CRYZ: variants seen among roughly 807,000 people sequenced by gnomAD.
The protein encoded by CRYZ is crystallin zeta, also known as zeta-crystallin.
CRYZ carries 35 observed loss-of-function variants against 34.1 expected under a neutral mutation model. The ratio of observed to expected loss-of-function variants is 1.03; its 90% CI spans 0.78 to 1.36. The LOEUF is 1.36. Ranked by LOEUF, CRYZ falls within the 40% of genes most tolerant of loss-of-function variation. The probability of loss-of-function intolerance (pLI) is 0.00; values close to 1 mark genes in which losing one functional copy is unlikely to be tolerated. For missense variants in CRYZ, 403 were observed against 391.8 expected, an observed-to-expected ratio of 1.03 and a Z score of -0.24; for synonymous variants, 137 against 136.5, an observed-to-expected ratio of 1.00 and a Z score of -0.03.
At position 74,711,903 on chromosome 1, in the gene CRYZ, C is replaced by T. The variant is rs12407803; in HGVS notation, c.481-1656G>A. Among the ~76,000 whole-genome samples, 376 of 152,018 alleles carry T rather than the reference C, an allele frequency of 2.5e-3. 4 individuals carry two copies. The highest frequency in any genetic ancestry group is 0.02 in the Admixed American group (298 of 15,264). ...TATATATTAGAGATTCATTATCTTA[C>T]GGATGGTATTTAAAGCCAAAGGATT... On this transcript the variant is annotated intron_variant, in intron 5 of 8. Transcript: ENST00000340866.
At chr1:74,715,303 T>C (rs1647056669) in intron 4 of CRYZ, among the ~76,000 whole-genome samples, 1 of 152,178 alleles carries the variant, frequency 6.6e-6, no homozygotes, top group Non-Finnish European at 1.5e-5. Flanking sequence ...ACTTTTCTAG[T>C]ATGTACTGAA....
intron 1 of CRYZ, among the ~76,000 whole-genome samples, chr1:74,727,363 A>G (rs1647405185): frequency 1.3e-5 from 2 of 149,550 alleles, no homozygotes; most frequent in Non-Finnish European, 3.0e-5. Flanking sequence ...GGTGGCAGAC[A>G]AGAGAGCATG....
intron 4 of CRYZ, among the ~76,000 whole-genome samples, chr1:74,716,138 C>T (rs1193829520): frequency 1.3e-5 from 2 of 152,024 alleles, no homozygotes; most frequent in African/African-American, 2.4e-5. Context: ...AGATTTTAGA[C>T]TCACCAGTCC....
rs1461979990 is a variant in CRYZ at position 74,719,191 on chromosome 1, G to A, written c.428+18C>T. ...CTCTTTTGGCATTGGCCATAAAATTGACAGAATGTGTTATTACCTGTGGAT... is the reference window on the plus strand; with the variant it reads ...CTCTTTTGGCATTGGCCATAAAATTAACAGAATGTGTTATTACCTGTGGAT... On this transcript the variant is annotated intron_variant, in intron 4 of 8. Coordinates refer to ENST00000340866, the MANE Select transcript of CRYZ (RefSeq NM_001889.4). 1 of 1,608,438 alleles carries A rather than the reference G, an allele frequency of 6.2e-7. No homozygotes were observed.
intron 6 of CRYZ, chr1:74,708,005 C>T (rs530342153): frequency 3.3e-5 from 5 of 151,954 alleles, no homozygotes; most frequent in South Asian, 4.2e-4. Flanking sequence ...TCCACAGAGA[C>T]GATGAACTGG....
intron 6 of CRYZ, chr1:74,708,432 AGAGG>A (rs1467447419): frequency 6.6e-6 from 1 of 152,094 alleles, no homozygotes; most frequent in Non-Finnish European, 1.5e-5. Context: ...ATCTTTTTTA[AGAGG>A]GAGATGACAG....
At chr1:74,714,664 T>C (rs1429085605) in intron 4 of CRYZ, 34 bp from the exon 5 acceptor site, 3 of 1,609,098 alleles carry the variant, frequency 1.9e-6, no homozygotes, top group Non-Finnish European at 2.6e-6. Flanking sequence ...ATCACCTTAT[T>C]TTTTGAAGCT....
In CRYZ at chr1:74,724,766, G is replaced by C. The variant is rs983150373; in HGVS notation, c.56C>G (p.Pro19Arg). Residue 19 changes from proline to arginine, a missense_variant, in exon 2 of 9, where the codon CCA becomes CGA. Coordinates refer to ENST00000340866, the MANE Select transcript of CRYZ (RefSeq NM_001889.4). ...RAVRVFEFGGPEVLKLRSDIA... is the reference protein window; with the variant it reads ...RAVRVFEFGGREVLKLRSDIA... ...ATCTGATCGCAATTTCAGGACTTCT[G>C]GCCCACCAAATTCAAAAACTCTAAC... 10 of 1,613,338 alleles carry C rather than the reference G, an allele frequency of 6.2e-6. No homozygotes were observed. Among genetic ancestry groups the C allele is most frequent in the Non-Finnish European group, 8.5e-6 (10 of 1,179,668 alleles).
intron 4 of CRYZ, among the ~76,000 whole-genome samples, chr1:74,716,789 T>C (rs1038555304): frequency 2.0e-4 from 30 of 152,130 alleles, no homozygotes; most frequent in African/African-American, 6.0e-4. Flanking sequence ...CTGGACTCCA[T>C]AGATTGCCCA....
chr1:74,718,415 C>T (rs1382433720), intron 4 of CRYZ, among the ~76,000 whole-genome samples: 1 of 152,072 alleles, frequency 6.6e-6, no homozygotes, highest in Admixed American at 6.6e-5. Flanking sequence ...TTCATTACTT[C>T]CAGTCCTTTA....
intron 6 of CRYZ, among the ~76,000 whole-genome samples, chr1:74,709,128 G>T (rs889738694): frequency 6.6e-6 from 1 of 152,232 alleles, no homozygotes; most frequent in South Asian, 2.1e-4. Context: ...TTTTCAAGAA[G>T]TTTTGTGGGA....
At chr1:74,708,724 C>G (rs539935929) in intron 6 of CRYZ, 1 of 152,038 alleles carries the variant, frequency 6.6e-6, no homozygotes, top group Non-Finnish European at 1.5e-5. Flanking sequence ...AGGAAGTGAA[C>G]TCAGGCCAAA....
chr1:74,720,513 C>A (rs1305042691), intron 3 of CRYZ, among the ~76,000 whole-genome samples: 1 of 152,094 alleles, frequency 6.6e-6, no homozygotes, highest in Non-Finnish European at 1.5e-5. Context: ...TACCTTAACT[C>A]CTCCTTTTTA....
At chr1:74,710,789 T>G (rs1390755443) in intron 5 of CRYZ, among the ~76,000 whole-genome samples, 4 of 152,214 alleles carry the variant, frequency 2.6e-5, no homozygotes, top group Admixed American at 1.3e-4. Context: ...TATAGAGTGT[T>G]TACGATGTGC....
At chr1:74,730,455 G>A (rs1392892452) in intron 1 of CRYZ, 2 of 152,128 alleles carry the variant, frequency 1.3e-5, no homozygotes, top group Admixed American at 6.6e-5. Flanking sequence ...ATAAAATAAC[G>A]TGGCATACTG....
At chr1:74,722,627 T>C (rs1378801659) in intron 3 of CRYZ, among the ~76,000 whole-genome samples, 7 of 151,980 alleles carry the variant, frequency 4.6e-5, no homozygotes, top group Non-Finnish European at 7.4e-5. Context: ...TGTGTATATA[T>C]ATATATCCTG....
At chr1:74,716,150 C>A (rs1647069702) in intron 4 of CRYZ, among the ~76,000 whole-genome samples, 1 of 151,960 alleles carries the variant, frequency 6.6e-6, no homozygotes, top group Admixed American at 6.6e-5. Context: ...CACCAGTCCT[C>A]CACAATTTCA....
intron 1 of CRYZ, among the ~76,000 whole-genome samples, chr1:74,732,560 G>C (rs1332412640): frequency 7.5e-6 from 1 of 133,052 alleles, no homozygotes; most frequent in African/African-American, 2.7e-5. Context: ...CCCAAACCCA[G>C]GCACTGGCTG....
chr1:74,708,239 G>C (rs1250374947), intron 6 of CRYZ: 1 of 152,180 alleles, frequency 6.6e-6, no homozygotes, highest in African/African-American at 2.4e-5. Context: ...TGTAAGTTGG[G>C]ACAGATAGTG....
Sources: allele counts gnomAD v4.1 joint callset (sites outside exome capture counted in the v4.1 genomes callset), GRCh38; gene constraint gnomAD v4.1.1; transcripts MANE v1.5; gene names NCBI Gene and HGNC (gene_info 2026-07-23, HGNC 2026-07-21).